The following CAB39L variants were observed in gnomAD, a reference collection of about 807,000 sequenced individuals.
The protein encoded by CAB39L is calcium binding protein 39 like.
A neutral mutation model predicts 39.1 loss-of-function variants in CAB39L; 23 were observed. That is an observed-to-expected ratio of 0.59 (90% CI 0.42 to 0.83). CAB39L has a LOEUF of 0.83. CAB39L is among the 40% of genes least tolerant of loss of function. CAB39L has a pLI of 0.00. For synonymous variants in CAB39L, 126 were observed against 137.2 expected (o/e 0.92, Z 0.57); for missense variants, 366 against 391.9 (o/e 0.93, Z 0.56).
intron 4 of CAB39L, among the ~76,000 whole-genome samples, chr13:49,378,549 C>T (rs1235463200): frequency 2.8e-5 from 2 of 71,786 alleles, no homozygotes; most frequent in Non-Finnish European, 5.7e-5. Flanking sequence ...GGGGGTCAGC[C>T]CCCCCACCCG....
chr13:49,317,071 G>A (rs1212226494), intron 10 of CAB39L, among the ~76,000 whole-genome samples: 3 of 152,132 alleles, frequency 2.0e-5, no homozygotes, highest in Non-Finnish European at 4.4e-5. Flanking sequence ...CCAGAACTGT[G>A]TTTTCTGTTG....
At chr13:49,359,973 C>T in intron 5 of CAB39L, 141 bp from the exon 6 acceptor site, 1 of 566,672 alleles carries the variant, frequency 1.8e-6, no homozygotes, top group Non-Finnish European at 3.1e-6. Flanking sequence ...TTAACTTACT[C>T]TTCCCATAGA....
At chr13:49,426,193 G>A (rs1013460638) in intron 3 of CAB39L, among the ~76,000 whole-genome samples, 3 of 152,112 alleles carry the variant, frequency 2.0e-5, no homozygotes, top group South Asian at 2.1e-4. Context: ...TCTTGGACGC[G>A]CTATTGTTTG....
chr13:49,337,065 A>G (rs1391810048), intron 9 of CAB39L, among the ~76,000 whole-genome samples: 2 of 152,222 alleles, frequency 1.3e-5, no homozygotes, highest in Non-Finnish European at 2.9e-5. Flanking sequence ...GAGGGTACAA[A>G]TATAAAGGAA....
intron 5 of CAB39L, among the ~76,000 whole-genome samples, chr13:49,365,015 T>G (rs1955735959): frequency 6.6e-6 from 1 of 151,982 alleles, no homozygotes; most frequent in Non-Finnish European, 1.5e-5. Flanking sequence ...AGAACAAAAC[T>G]GAAGAAATCA....
chr13:49,325,567 T>A (rs1424888061), intron 10 of CAB39L, among the ~76,000 whole-genome samples: 1 of 152,142 alleles, frequency 6.6e-6, no homozygotes, highest in Non-Finnish European at 1.5e-5. Context: ...GACGGGCGGA[T>A]CACCTGAGGT....
intron 9 of CAB39L, among the ~76,000 whole-genome samples, chr13:49,336,528 A>G (rs1338156795): frequency 6.6e-6 from 1 of 152,246 alleles, no homozygotes; most frequent in Non-Finnish European, 1.5e-5. Flanking sequence ...AGTAGGAAAT[A>G]CAAACAGCTT....
chr13:49,441,206 T>G (rs1352755573), intron 1 of CAB39L, among the ~76,000 whole-genome samples: 2 of 137,324 alleles, frequency 1.5e-5, no homozygotes, highest in East Asian at 4.8e-4. Context: ...GATGATTTTC[T>G]TATAATGATT....
At chr13:49,332,467 C>T (rs1954734542) in intron 9 of CAB39L, among the ~76,000 whole-genome samples, 1 of 152,134 alleles carries the variant, frequency 6.6e-6, no homozygotes, top group Non-Finnish European at 1.5e-5. Flanking sequence ...ATGATACCTT[C>T]TTTACCTGCA....
chr13:49,322,814 T>C (rs1593907057), intron 10 of CAB39L, among the ~76,000 whole-genome samples: 1 of 152,174 alleles, frequency 6.6e-6, no homozygotes, highest in Non-Finnish European at 1.5e-5. Context: ...AAAAGGTGAT[T>C]CTATAACCAT....
intron 10 of CAB39L, among the ~76,000 whole-genome samples, chr13:49,323,290 C>CTGCTA (rs1329997134): frequency 1.3e-5 from 2 of 152,230 alleles, no homozygotes; most frequent in Non-Finnish European, 2.9e-5. Context: ...GGCCTTCACT[C>CTGCTA]TGCTATCACT....
chr13:49,391,947 TCACACA>T (rs60571092), intron 3 of CAB39L, among the ~76,000 whole-genome samples: 2 of 149,190 alleles, frequency 1.3e-5, no homozygotes, highest in African/African-American at 2.5e-5. Flanking sequence ...CAAATTGGGT[TCACACA>T]CACACACACA....
chr13:49,399,299 G>C (rs1956714405), intron 3 of CAB39L, among the ~76,000 whole-genome samples: 1 of 151,972 alleles, frequency 6.6e-6, no homozygotes, highest in Non-Finnish European at 1.5e-5. Context: ...TGTCAGATTA[G>C]ATCTCAAAAA....
intron 3 of CAB39L, among the ~76,000 whole-genome samples, chr13:49,411,906 T>C (rs1956998165): frequency 6.6e-6 from 1 of 152,158 alleles, no homozygotes; most frequent in South Asian, 2.1e-4. Flanking sequence ...TGGAGGTTGT[T>C]AGGGAGAAGG....
At position 49,365,702 on chromosome 13, in the gene CAB39L, G is replaced by A. The variant is rs182504735; in HGVS notation, c.277-5870C>T. ...CCCCTCATATGCTGTTGGTAGGAAT[G>A]TAAATTAGTACAACTACTATGGAGA... On this transcript the variant is annotated intron_variant, in intron 5 of 10. Coordinates refer to ENST00000409308, the MANE Select transcript of CAB39L (RefSeq NM_001079670.3). 2.7e-4 allele frequency among the ~76,000 whole-genome samples: 41 copies of A among 152,300 alleles called. No individual in the cohort carries two copies. The East Asian group carries it at 7.7e-3, about 29-fold the overall frequency.
intron 7 of CAB39L, among the ~76,000 whole-genome samples, chr13:49,350,107 AG>A (rs1469661028): frequency 6.6e-6 from 1 of 152,202 alleles, no homozygotes; most frequent in Non-Finnish European, 1.5e-5. Flanking sequence ...AAAATAAAAA[AG>A]TTCTGGTAGT....
At chr13:49,382,548 T>C (rs539276160) in intron 4 of CAB39L, 2 of 271,528 alleles carry the variant, frequency 7.4e-6, no homozygotes, top group South Asian at 7.3e-5. Context: ...AGTATAACCT[T>C]TTAGATCTTT....
chr13:49,371,646 G>A (rs1458876311), intron 5 of CAB39L, among the ~76,000 whole-genome samples: 1 of 151,878 alleles, frequency 6.6e-6, no homozygotes. Flanking sequence ...ACCCAGGCTG[G>A]AGTGCAGTAG....
At position 49,309,131 on chromosome 13, in the gene CAB39L, T is replaced by C. The variant is rs1953917439; in HGVS notation, c.*1683A>G. On this transcript the variant is annotated 3_prime_UTR_variant, in exon 11 of 11. Transcript: ENST00000409308. ...AGTGCAATTCGAAGGGACTCTGAAC[T>C]GTCAGGGAACGTTATAAAAATAATC... 2 of 152,232 alleles carry C rather than the reference T, an allele frequency of 1.3e-5. No homozygotes were observed. The highest frequency in any genetic ancestry group is 2.9e-5 in the Non-Finnish European group (2 of 68,046). 9.4% of individuals were successfully genotyped at this position (152,232 alleles called of 1,614,324 possible). A position where few individuals can be genotyped will look rare whatever the true frequency, so the allele number is the denominator to read the frequency against.
Sources: gnomAD v4.1 joint callset for allele counts (sites outside exome capture counted in the v4.1 genomes callset) on GRCh38, gnomAD v4.1.1 for gene constraint, MANE v1.5 for transcripts, NCBI Gene and HGNC (gene_info 2026-07-23, HGNC 2026-07-21) for gene names.